ZC3H15: variants seen among roughly 807,000 people sequenced by gnomAD.
ZC3H15 encodes the protein zinc finger CCCH-type containing 15, also known as zinc finger CCCH domain-containing protein 15.
ZC3H15 carries 15 observed loss-of-function variants against 51.2 expected under a neutral mutation model. The observed-to-expected ratio is 0.29, with a 90% confidence interval of 0.20 to 0.45. The LOEUF (loss-of-function observed/expected upper bound fraction) is 0.45, where lower values mean the gene tolerates loss of function less well. Among genes scored for constraint, ZC3H15 ranks in the 20% least tolerant of loss-of-function variants. The probability of loss-of-function intolerance (pLI) is 1.00; values close to 1 mark genes in which losing one functional copy is unlikely to be tolerated. For missense variants in ZC3H15, 381 were observed against 494.7 expected, an observed-to-expected ratio of 0.77 and a Z score of 2.18; for synonymous variants, 144 against 162.8, an observed-to-expected ratio of 0.88 and a Z score of 0.88.
intron 9 of ZC3H15, chr2:186,507,251 C>G: frequency 2.7e-6 from 1 of 366,284 alleles, no homozygotes; most frequent in Admixed American, 3.7e-5. Flanking sequence ...AAACAAGTTT[C>G]CAAAGAAGCA....
rs543964210 is a variant in ZC3H15, at chr2:186,498,454, C to T, written c.178-1728C>T. Among the ~76,000 whole-genome samples the T allele has an allele frequency of 1.7e-4, 26 of 152,316 alleles. 1 individual carries two copies. The South Asian group carries it at 3.7e-3, about 22-fold the overall frequency. On this transcript the variant is annotated intron_variant, in intron 2 of 9. Transcript: ENST00000337859. ...ATTTAGATAAATGGCTTGTAGACCT[C>T]CATTGTATTCTTGCTCAAACATTGC...
rs1328342657 is a variant in ZC3H15, at chr2:186,502,477, T to A, written c.443-19T>A. The A allele has an allele frequency of 2.5e-6, 4 of 1,585,148 alleles. No individual in the cohort carries two copies. Among genetic ancestry groups the A allele is most frequent in the Non-Finnish European group, 3.5e-6 (4 of 1,159,134 alleles). ...TAGTAGATAAGATTACAGTATTTAA[T>A]CTTCATTTCTTTATTTAGATACTAT... On this transcript the variant is annotated intron_variant, in intron 4 of 9. Coordinates refer to ENST00000337859, the MANE Select transcript of ZC3H15 (RefSeq NM_018471.3).
chr2:186,490,387 T>C (rs1234750470), intron 1 of ZC3H15, among the ~76,000 whole-genome samples: 1 of 152,038 alleles, frequency 6.6e-6, no homozygotes, highest in Admixed American at 6.6e-5. Flanking sequence ...AGCAAGGAAA[T>C]AGTAATAGGG....
chr2:186,507,997 A>C (rs1286722135), intron 9 of ZC3H15, among the ~76,000 whole-genome samples: 2 of 151,956 alleles, frequency 1.3e-5, no homozygotes, highest in Non-Finnish European at 2.9e-5. Context: ...AAAAGGCAGC[A>C]TTTTTTTTCT....
intron 9 of ZC3H15, among the ~76,000 whole-genome samples, chr2:186,508,208 A>C (rs1685498079): frequency 6.6e-6 from 1 of 152,200 alleles, no homozygotes; most frequent in Middle Eastern, 3.2e-3. Flanking sequence ...CATTTAGTCA[A>C]ATAAAATATT....
chr2:186,505,583 G>A lies in ZC3H15; in HGVS notation c.850G>A (p.Gly284Arg). Residue 284 changes from glycine to arginine, a missense_variant, in exon 7 of 10, where the codon GGG becomes AGG. Physicochemically the swap from Gly to Arg is moderately radical, Grantham distance 125. Around this residue, in one of 3 missense-constraint regions of ZC3H15, gnomAD observed 215 missense variants for 241.8 expected, o/e 0.89. Transcript: ENST00000337859. ...AAGAAGGAAAGCTGACTTCAAAGCA[G>A]GGAAAGCACTAGTGGTATGTCTCAG... ...MERRKADFKA[G>R]KALVISGREV... is the part of the protein sequence containing the mutation. 1 of 1,605,632 alleles carries A rather than the reference G, an allele frequency of 6.2e-7. No individual in the cohort carries two copies. Among genetic ancestry groups the A allele is most frequent in the Non-Finnish European group, 8.5e-7 (1 of 1,177,234 alleles).
At chr2:186,490,758 G>A (rs1685184451) in intron 1 of ZC3H15, among the ~76,000 whole-genome samples, 1 of 152,138 alleles carries the variant, frequency 6.6e-6, no homozygotes, top group South Asian at 2.1e-4. Context: ...GGATGGGAGG[G>A]AAGTTTTAAG....
chr2:186,508,739 AAC>A lies in ZC3H15; in HGVS notation c.*10_*11del. On this transcript the variant is annotated 3_prime_UTR_variant, in exon 10 of 10. Coordinates refer to ENST00000337859, the MANE Select transcript of ZC3H15 (RefSeq NM_018471.3). ...CACTTGATTTAGAAGAATGACACCAAACACATCGCTGAAAAAATTAAGTCAGC... is the reference window on the plus strand; with the variant it reads ...CACTTGATTTAGAAGAATGACACCAAACATCGCTGAAAAAATTAAGTCAGC... 1 of 1,612,010 alleles carries A rather than the reference AAC, an allele frequency of 6.2e-7. No homozygotes were observed. Among genetic ancestry groups the A allele is most frequent in the Admixed American group, 1.7e-5 (1 of 59,854 alleles).
intron 1 of ZC3H15, among the ~76,000 whole-genome samples, chr2:186,494,280 T>A (rs1465704033): frequency 6.6e-6 from 1 of 152,162 alleles, no homozygotes; most frequent in Non-Finnish European, 1.5e-5. Flanking sequence ...ATTTCCATCT[T>A]AGCAATAACT....
At chr2:186,489,498 G>C (rs1685160839) in intron 1 of ZC3H15, among the ~76,000 whole-genome samples, 1 of 152,164 alleles carries the variant, frequency 6.6e-6, no homozygotes, top group African/African-American at 2.4e-5. Context: ...GACATATAAA[G>C]ACTGATACTT....
At chr2:186,492,631 A>G (rs1270715831) in intron 1 of ZC3H15, among the ~76,000 whole-genome samples, 1 of 152,150 alleles carries the variant, frequency 6.6e-6, no homozygotes, top group Non-Finnish European at 1.5e-5. Flanking sequence ...TTTTGTCTTA[A>G]GACTATTGAA....
At position 186,506,699 on chromosome 2, in the gene ZC3H15, A is replaced by G. The variant is rs1275153488; in HGVS notation, c.967-14A>G. The G allele has an allele frequency of 1.9e-6, 3 of 1,595,172 alleles. No individual in the cohort carries two copies. The highest frequency in any genetic ancestry group is 1.1e-5 in the South Asian group (1 of 88,862). On this transcript the variant is annotated splice_polypyrimidine_tract_variant and intron_variant, in intron 8 of 9. Transcript: ENST00000337859. The stretch of plus-strand genomic sequence containing the variant: ...CTTATTTGTAACAACTTTCTTTTCT[A>G]TATGTTGTTAAAGGTTGATGATTCA...
chr2:186,505,700 G>T, intron 7 of ZC3H15, 40 bp from the exon 8 acceptor site: 1 of 1,607,360 alleles, frequency 6.2e-7, no homozygotes, highest in South Asian at 1.1e-5. Context: ...GGAATGTTTA[G>T]ATTTTTGTCC....
Position 186,486,466 on chromosome 2 carries a change from C to T in ZC3H15, c.75+9C>T, listed in dbSNP as rs1481568172. 1.3e-6 allele frequency: 2 copies of T among 1,549,770 alleles called. No homozygotes were observed. The highest frequency in any genetic ancestry group is 1.9e-5 in the Admixed American group (1 of 51,648). ...AGGAGAAGATTATCGAAGTGAGTACCCACCCCTCCCCCACTCACGCCGCGA... is the reference window on the plus strand; with the variant it reads ...AGGAGAAGATTATCGAAGTGAGTACTCACCCCTCCCCCACTCACGCCGCGA... On this transcript the variant is annotated intron_variant, in intron 1 of 9. Coordinates refer to ENST00000337859, the MANE Select transcript of ZC3H15 (RefSeq NM_018471.3).
rs376338073 is a variant in ZC3H15, at chr2:186,504,246, T to A, written c.717+32T>A. On this transcript the variant is annotated intron_variant, in intron 6 of 9. Transcript: ENST00000337859. ...GGTATCCTTTTCCTACCATAAAAAC[T>A]GAAAGCAGTATTTATTGTGAAATTC... is the stretch of plus-strand genomic sequence containing the variant. 5.4e-5 allele frequency: 81 copies of A among 1,507,666 alleles called. No homozygotes were observed. In the East Asian group the frequency reaches 1.2e-3, roughly 22 times the overall value. The allele number at this position is 1,507,666 out of a possible 1,614,324, so 93.4% of individuals were successfully genotyped here.
At chr2:186,490,082 C>G (rs1417233446) in intron 1 of ZC3H15, among the ~76,000 whole-genome samples, 1 of 151,942 alleles carries the variant, frequency 6.6e-6, no homozygotes, top group Non-Finnish European at 1.5e-5. Flanking sequence ...TTTAATATTG[C>G]CTCCATTTTT....
chr2:186,502,492 T>A lies in ZC3H15; in HGVS notation c.443-4T>A. 6.2e-7 allele frequency: 1 copy of A among 1,606,706 alleles called. No homozygotes were observed. Among genetic ancestry groups the A allele is most frequent in the Non-Finnish European group, 8.5e-7 (1 of 1,175,272 alleles). Reference sequence around the variant, plus strand: ...CAGTATTTAATCTTCATTTCTTTATTTAGATACTATGGATAATTGGGATGA... The same window carrying A: ...CAGTATTTAATCTTCATTTCTTTATATAGATACTATGGATAATTGGGATGA... On this transcript the variant is annotated splice_region_variant and splice_polypyrimidine_tract_variant and intron_variant, in intron 4 of 9. Transcript: ENST00000337859.
intron 1 of ZC3H15, among the ~76,000 whole-genome samples, chr2:186,492,233 C>T (rs994223792): frequency 3.3e-5 from 5 of 152,162 alleles, no homozygotes; most frequent in Non-Finnish European, 5.9e-5. Context: ...CTCTCCCTCC[C>T]GTGAGAGCTC....
chr2:186,496,430 G>A (rs779696267), intron 2 of ZC3H15, among the ~76,000 whole-genome samples: 16 of 152,126 alleles, frequency 1.1e-4, no homozygotes, highest in Non-Finnish European at 2.1e-4. Flanking sequence ...GTCACCCAGG[G>A]TGGCCTCACA....
Sources: allele counts gnomAD v4.1 joint callset (sites outside exome capture counted in the v4.1 genomes callset), GRCh38; gene constraint gnomAD v4.1.1; regional missense constraint gnomAD v4.1.1; transcripts MANE v1.5; gene names NCBI Gene and HGNC (gene_info 2026-07-23, HGNC 2026-07-21).